SIRPG: variants seen among roughly 807,000 people sequenced by gnomAD.
SIRPG encodes signal regulatory protein gamma, also known as signal-regulatory protein gamma.
SIRPG carries 38 observed loss-of-function variants against 35.7 expected under a neutral mutation model. The ratio of observed to expected loss-of-function variants is 1.06; its 90% CI spans 0.82 to 1.40. The LOEUF (loss-of-function observed/expected upper bound fraction) is 1.40. SIRPG is among the 40% of genes most tolerant of loss of function. The pLI, the probability that SIRPG is intolerant of heterozygous loss-of-function variation, is 0.00. For missense variants in SIRPG, 519 were observed against 483.0 expected (o/e 1.07, Z -0.70); for synonymous variants, 215 against 190.4 (o/e 1.13, Z -1.06).
intron 2 of SIRPG, chr20:1,638,512 C>A (rs1342834027): frequency 6.6e-6 from 1 of 152,002 alleles, no homozygotes; most frequent in East Asian, 1.9e-4. Flanking sequence ...ACCACCAAGT[C>A]TGGACAACTG....
intron 4 of SIRPG, among the ~76,000 whole-genome samples, chr20:1,634,331 C>G: frequency 6.6e-6 from 1 of 151,778 alleles, no homozygotes; most frequent in East Asian, 1.9e-4. Flanking sequence ...CTCAGCCTCC[C>G]GAGTAGCTGG....
intron 2 of SIRPG, among the ~76,000 whole-genome samples, chr20:1,640,117 T>G (rs901380677): frequency 1.3e-5 from 2 of 152,182 alleles, no homozygotes; most frequent in Non-Finnish European, 2.9e-5. Flanking sequence ...TTTTTTTGGT[T>G]CAATATAAAA....
chr20:1,635,026 G>A (rs1487672911), intron 4 of SIRPG, among the ~76,000 whole-genome samples: 1 of 147,146 alleles, frequency 6.8e-6, no homozygotes, highest in South Asian at 2.1e-4. Context: ...CTGGGCGACA[G>A]AGCCAGACTC....
chr20:1,685,766 A>AG, the SIRPG span, among the ~76,000 whole-genome samples: 3 of 152,186 alleles, frequency 2.0e-5, no homozygotes, highest in East Asian at 1.9e-4. Flanking sequence ...ATCCTGAAGA[A>AG]GGACAGTGGC....
At chr20:1,673,318 A>C in the SIRPG span, among the ~76,000 whole-genome samples, 3 of 152,058 alleles carry the variant, frequency 2.0e-5, no homozygotes, top group African/African-American at 7.2e-5. Flanking sequence ...ACCCCCCTCC[A>C]TCCCTGTGAG....
At chr20:1,644,423 G>C (rs2091881134) in intron 2 of SIRPG, among the ~76,000 whole-genome samples, 1 of 152,208 alleles carries the variant, frequency 6.6e-6, no homozygotes. Flanking sequence ...CTCCAGCAGG[G>C]GAAAAGCATG....
chr20:1,657,426 A>C (rs1004765591), intron 1 of SIRPG, among the ~76,000 whole-genome samples: 1 of 152,178 alleles, frequency 6.6e-6, no homozygotes, highest in Non-Finnish European at 1.5e-5. Flanking sequence ...ACTAATTGTG[A>C]TGGTGGCAGA....
the SIRPG span, among the ~76,000 whole-genome samples, chr20:1,669,630 A>G: frequency 3.9e-5 from 6 of 152,344 alleles, no homozygotes; most frequent in African/African-American, 1.4e-4. Flanking sequence ...AATGGAGAAC[A>G]TAAGTAAACA....
intron 4 of SIRPG, chr20:1,630,724 G>C (rs1194317214): frequency 5.7e-6 from 1 of 174,508 alleles, no homozygotes. Flanking sequence ...GTGTTCCTTA[G>C]GTTGATCCCT....
the SIRPG span, among the ~76,000 whole-genome samples, chr20:1,664,018 C>T: frequency 6.6e-6 from 1 of 152,204 alleles, no homozygotes; most frequent in African/African-American, 2.4e-5. Flanking sequence ...TGCTTCTACT[C>T]ATGGTGAGAG....
In SIRPG at chr20:1,649,078, C is replaced by G. The variant is rs757421982; in HGVS notation, c.404G>C (p.Gly135Ala). 2 of 1,613,844 alleles carry G rather than the reference C, an allele frequency of 1.2e-6. No homozygotes were observed. Among genetic ancestry groups the G allele is most frequent in the Non-Finnish European group, 8.5e-7 (1 of 1,179,820 alleles). Residue 135 changes from glycine (G) to alanine (A), a missense_variant, in exon 2 of 6, where the codon GGA becomes GCA. Transcript: ENST00000303415. ...ACCCAAAGCCATCTCAGTGCCTGGT[C>G]CAGACTTAAACTCCACGTTCTCAGG... ...GSPENVEFKS[G>A]PGTEMALGAK...
the SIRPG span, among the ~76,000 whole-genome samples, chr20:1,673,226 C>T: frequency 1.2e-4 from 19 of 152,266 alleles, no homozygotes; most frequent in Admixed American, 3.3e-4. Flanking sequence ...GCGACCCTAA[C>T]GGGATGAGAG....
At chr20:1,673,669 T>C in the SIRPG span, among the ~76,000 whole-genome samples, 2 of 152,136 alleles carry the variant, frequency 1.3e-5, no homozygotes, top group Admixed American at 1.3e-4. Flanking sequence ...TCTCCCCTTT[T>C]CTGAACAATC....
chr20:1,683,642 T>C, the SIRPG span, among the ~76,000 whole-genome samples: 2 of 152,150 alleles, frequency 1.3e-5, no homozygotes, highest in East Asian at 3.9e-4. Flanking sequence ...GAAAGACAAA[T>C]ACCACATGGT....
At chr20:1,647,414 A>T (rs552689243) in intron 2 of SIRPG, 3 of 152,370 alleles carry the variant, frequency 2.0e-5, no homozygotes, top group South Asian at 4.1e-4. Context: ...TGCCTATATT[A>T]TCTGATCAGG....
chr20:1,669,184 CCT>C, the SIRPG span, among the ~76,000 whole-genome samples: 1 of 152,084 alleles, frequency 6.6e-6, no homozygotes, highest in Non-Finnish European at 1.5e-5. Flanking sequence ...TGATAGTGGC[CCT>C]GTCTTCAGGG....
chr20:1,629,511 G>A lies in SIRPG; in HGVS notation c.*128C>T, dbSNP rs1179004223. 6.6e-6 allele frequency: 1 copy of A among 152,432 alleles called. No homozygotes were observed. Among genetic ancestry groups the A allele is most frequent in the African/African-American group, 2.4e-5 (1 of 41,440 alleles). The allele number at this position is 152,432 out of a possible 1,614,324, so 9.4% of individuals were successfully genotyped here. The stretch of plus-strand genomic sequence containing the variant: ...CTGTGGGCAGGCAGATGTCTTGGGA[G>A]GGGAGATGTTTGGAGCCAAGTCTAG... On this transcript the variant is annotated 3_prime_UTR_variant, in exon 6 of 6. Coordinates refer to ENST00000303415, the MANE Select transcript of SIRPG (RefSeq NM_018556.4).
Position 1,645,242 on chromosome 20 carries a change from C to A in SIRPG, c.430+3810G>T, listed in dbSNP as rs549257223. ...TTTCCACCACATTTTTTCTGAAGCA[C>A]CCACCCCCAGAAAAGCTGTTCTCAA... On this transcript the variant is annotated intron_variant, in intron 2 of 5. Coordinates refer to ENST00000303415, the MANE Select transcript of SIRPG (RefSeq NM_018556.4). 2.0e-5 allele frequency among the ~76,000 whole-genome samples: 3 copies of A among 152,232 alleles called. No homozygotes were observed. In the South Asian group the frequency reaches 6.2e-4, roughly 32 times the overall value.
intron 1 of SIRPG, among the ~76,000 whole-genome samples, chr20:1,653,745 T>C (rs888194956): frequency 1.5e-4 from 23 of 152,218 alleles, no homozygotes; most frequent in Admixed American, 9.8e-4. Flanking sequence ...GGCTGGGCAA[T>C]AGGGAAAACC....
Sources: allele counts gnomAD v4.1 joint callset (sites outside exome capture counted in the v4.1 genomes callset), GRCh38; gene constraint gnomAD v4.1.1; transcripts MANE v1.5; gene names NCBI Gene and HGNC (gene_info 2026-07-23, HGNC 2026-07-21).